LAMA4: variants seen among roughly 807,000 people sequenced by gnomAD.
LAMA4 encodes laminin subunit alpha-4.
Under a neutral mutation model 207.1 loss-of-function variants are expected in LAMA4, and 127 were observed. That is an observed-to-expected ratio of 0.61 (90% CI 0.53 to 0.71). The LOEUF is 0.71. Among genes scored for constraint, LAMA4 ranks in the 30% least tolerant of loss-of-function variants. The pLI is 0.00. For missense variants in LAMA4, 2,093 were observed against 2,246.5 expected (o/e 0.93, Z 1.38); for synonymous variants, 761 against 816.0 (o/e 0.93, Z 1.15).
Position 112,139,723 on chromosome 6 carries a change from A to G in LAMA4, c.3110+29T>C, listed in dbSNP as rs192217511. On this transcript the variant is annotated intron_variant, in intron 23 of 38. Coordinates refer to ENST00000230538, the MANE Select transcript of LAMA4 (RefSeq NM_001105206.3). ...TCTGCTGCTCTTGCATGAATATCCA[A>G]GTCTTTAGTACTCTTAACTGTCTCT... The G allele has an allele frequency of 5.5e-5, 88 of 1,611,896 alleles. No individual in the cohort carries two copies. In the African/African-American group the frequency reaches 8.7e-4, roughly 16 times the overall value.
At chr6:112,228,448 TAGTC>T in intron 2 of LAMA4, among the ~76,000 whole-genome samples, 1 of 151,990 alleles carries the variant, frequency 6.6e-6, no homozygotes, top group East Asian at 1.9e-4. Flanking sequence ...GTCACTGAGG[TAGTC>T]AGGCCCAGCA....
Position 112,141,346 on chromosome 6 carries a change from G to T in LAMA4, c.2813+12C>A, listed in dbSNP as rs1779681208. The stretch of plus-strand genomic sequence containing the variant: ...ATGTGCATATATGCCCTGTGTCATG[G>T]ATTCACTGTACCTTTCAATCTTGAC... On this transcript the variant is annotated intron_variant, in intron 21 of 38. Coordinates refer to ENST00000230538, the MANE Select transcript of LAMA4 (RefSeq NM_001105206.3). The T allele has an allele frequency of 3.1e-6, 5 of 1,613,548 alleles. No individual in the cohort carries two copies. The highest frequency in any genetic ancestry group is 1.3e-5 in the African/African-American group (1 of 74,874).
At chr6:112,186,942 C>A in intron 8 of LAMA4, 1 of 449,898 alleles carries the variant, frequency 2.2e-6, no homozygotes, top group South Asian at 1.6e-5. Flanking sequence ...TGAATGTCTG[C>A]GTTTGACTGT....
chr6:112,159,348 T>A (rs1780917976), intron 13 of LAMA4: 1 of 175,078 alleles, frequency 5.7e-6, no homozygotes, highest in Admixed American at 5.7e-5. Context: ...TCTAAGTTAC[T>A]AAATCTAATG....
intron 9 of LAMA4, among the ~76,000 whole-genome samples, chr6:112,183,974 AAAG>A (rs1782529675): frequency 6.6e-6 from 1 of 151,706 alleles, no homozygotes; most frequent in African/African-American, 2.4e-5. Flanking sequence ...AAAAAAGAAA[AAAG>A]AATTAAGATA....
chr6:112,203,869 A>G (rs1022721636), intron 4 of LAMA4, among the ~76,000 whole-genome samples: 10 of 152,134 alleles, frequency 6.6e-5, no homozygotes, highest in African/African-American at 1.9e-4. Context: ...GTGAATATGC[A>G]TCTAGATTTA....
intron 3 of LAMA4, among the ~76,000 whole-genome samples, chr6:112,214,985 T>G (rs933371887): frequency 7.9e-5 from 12 of 152,266 alleles, no homozygotes; most frequent in African/African-American, 1.9e-4. Flanking sequence ...GCAGCTGATG[T>G]GCTTGACAGT....
Position 112,120,135 on chromosome 6 carries a change from G to A in LAMA4, c.4665+148C>T, listed in dbSNP as rs587709225. 12 of 652,898 alleles carry A rather than the reference G, an allele frequency of 1.8e-5. No homozygotes were observed. The East Asian group carries it at 3.0e-4, about 16-fold the overall frequency. 40.4% of individuals were successfully genotyped at this position (652,898 alleles called of 1,614,324 possible). On this transcript the variant is annotated intron_variant, in intron 33 of 38. Coordinates refer to ENST00000230538, the MANE Select transcript of LAMA4 (RefSeq NM_001105206.3). ...ATAGTATGCTTCAAGACTTTTATAA[G>A]GAATACAATTTTTTGAAATTGAATT...
Position 112,217,480 on chromosome 6 carries a change from T to C in LAMA4, c.196-1011A>G, listed in dbSNP as rs374398638. Among the ~76,000 whole-genome samples, 7 of 152,250 alleles carry C rather than the reference T, an allele frequency of 4.6e-5. No homozygotes were observed. In the South Asian group the frequency reaches 6.2e-4, roughly 14 times the overall value. ...CACATCATACACCCCCATTGACCCA[T>C]TGTAGTTTGCACTTCCCTGGCGACC... is the stretch of plus-strand genomic sequence containing the variant. On this transcript the variant is annotated intron_variant, in intron 2 of 38. Transcript: ENST00000230538.
In LAMA4 at chr6:112,207,135, C is replaced by A. The variant is rs782029414; in HGVS notation, c.308G>T (p.Arg103Leu). Residue 103 changes from arginine (R) to leucine (L), a missense_variant, in exon 4 of 39, where the codon CGG becomes CTG. Physicochemically the swap from Arg to Leu is moderately radical, Grantham distance 102. Around this residue, in one of 3 missense-constraint regions of LAMA4, gnomAD observed 1,704 missense variants for 1,788.4 expected, o/e 0.95. Coordinates refer to ENST00000230538, the MANE Select transcript of LAMA4 (RefSeq NM_001105206.3). ...TTCACAGTGCTCTCCTGTTGTGTTC[C>A]GCTGGCAGTGCTATGAGACAAAAGA... The part of the protein sequence containing the change: ...DGSGYCVHCQ[R>L]NTTGEHCEKC... 8.7e-6 allele frequency: 14 copies of A among 1,613,706 alleles called. No individual in the cohort carries two copies. Among genetic ancestry groups the A allele is most frequent in the Non-Finnish European group, 1.2e-5 (14 of 1,179,920 alleles).
intron 24 of LAMA4, 60 bp downstream of exon 24, chr6:112,139,060 A>G (rs1779521649): frequency 6.5e-6 from 10 of 1,527,658 alleles, no homozygotes; most frequent in African/African-American, 1.4e-5. Context: ...TCCTGGAAAC[A>G]TGAGTAGCAG....
At chr6:112,161,833 A>G (rs1781071131) in intron 13 of LAMA4, among the ~76,000 whole-genome samples, 2 of 152,124 alleles carry the variant, frequency 1.3e-5, no homozygotes, top group African/African-American at 4.8e-5. Context: ...TAAGTATGGT[A>G]TATTTGAAAA....
At chr6:112,132,425 G>A (rs998385948) in intron 28 of LAMA4, among the ~76,000 whole-genome samples, 7 of 152,058 alleles carry the variant, frequency 4.6e-5, no homozygotes, top group African/African-American at 1.7e-4. Context: ...TACTACTGTG[G>A]TGTGTTGCCT....
chr6:112,173,281 T>C (rs1554342575), intron 11 of LAMA4, among the ~76,000 whole-genome samples: 1 of 152,194 alleles, frequency 6.6e-6, no homozygotes. Context: ...AACCATGATT[T>C]TGGTGGAAAA....
chr6:112,134,912 AACTATAAACAGGTGCC>A (rs1166588311), intron 25 of LAMA4, among the ~76,000 whole-genome samples: 1 of 107,634 alleles, frequency 9.3e-6, no homozygotes, highest in Admixed American at 9.0e-5. Flanking sequence ...TTCAGGAAAG[AACTATAAACAGGTGCC>A]ACCATTCTCT....
intron 2 of LAMA4, among the ~76,000 whole-genome samples, chr6:112,220,777 C>A (rs527685945): frequency 6.6e-6 from 1 of 152,218 alleles, no homozygotes; most frequent in Admixed American, 6.5e-5. Flanking sequence ...AAATCACTTT[C>A]TTTTGAAGGA....
Position 112,136,111 on chromosome 6 carries a change from AATG to A in LAMA4, c.3414+9_3414+11del. ...ACAAAAACAAAACCAACCAAACTAC[AATG>A]ATTTGTACCTCATGGTATTTTGCAT... On this transcript the variant is annotated intron_variant, in intron 25 of 38. Coordinates refer to ENST00000230538, the MANE Select transcript of LAMA4 (RefSeq NM_001105206.3). 1 of 1,610,700 alleles carries A rather than the reference AATG, an allele frequency of 6.2e-7. No homozygotes were observed. The highest frequency in any genetic ancestry group is 8.5e-7 in the Non-Finnish European group (1 of 1,178,894).
At chr6:112,233,171 C>A (rs1785673322) in intron 2 of LAMA4, among the ~76,000 whole-genome samples, 1 of 152,196 alleles carries the variant, frequency 6.6e-6, no homozygotes, top group Non-Finnish European at 1.5e-5. Context: ...CAAATGCTAT[C>A]TTGACTTGTT....
chr6:112,132,366 C>CA (rs1318716361), intron 28 of LAMA4, among the ~76,000 whole-genome samples: 5 of 151,852 alleles, frequency 3.3e-5, no homozygotes, highest in Non-Finnish European at 2.9e-5. Context: ...TAATGTGAAA[C>CA]AAAAAAATCT....
Sources: gnomAD v4.1 joint callset for allele counts (sites outside exome capture counted in the v4.1 genomes callset) on GRCh38, gnomAD v4.1.1 for gene constraint, gnomAD v4.1.1 regional missense constraint, MANE v1.5 for transcripts, NCBI Gene and HGNC (gene_info 2026-07-23, HGNC 2026-07-21) for gene names.